WBP1L: variants seen among roughly 807,000 people sequenced by gnomAD.
WBP1L encodes the protein WW domain binding protein 1 like.
A neutral mutation model predicts 33.7 loss-of-function variants in WBP1L; 17 were observed. The ratio of observed to expected loss-of-function variants is 0.50; its 90% CI spans 0.34 to 0.76. The LOEUF is 0.76. Ranked by LOEUF, WBP1L falls within the 30% of genes least tolerant of loss-of-function variation. WBP1L has a pLI of 0.01. For missense variants in WBP1L, 389 were observed against 469.4 expected (o/e 0.83, Z 1.58); for synonymous variants, 173 against 190.8 (o/e 0.91, Z 0.77).
intron 1 of WBP1L, among the ~76,000 whole-genome samples, chr10:102,764,285 A>C (rs1256951091): frequency 6.6e-6 from 1 of 152,168 alleles, no homozygotes; most frequent in Non-Finnish European, 1.5e-5. Flanking sequence ...TCAAATAAGA[A>C]CAACAACATT....
At chr10:102,782,854 G>A (rs1440789337) in intron 1 of WBP1L, among the ~76,000 whole-genome samples, 2 of 152,128 alleles carry the variant, frequency 1.3e-5, no homozygotes, top group Non-Finnish European at 2.9e-5. Context: ...GGGTTTGCCG[G>A]GACTGTGTTG....
At chr10:102,802,349 C>A (rs764228051) in intron 2 of WBP1L, among the ~76,000 whole-genome samples, 21 of 150,764 alleles carry the variant, frequency 1.4e-4, no homozygotes, top group Non-Finnish European at 3.0e-4. Flanking sequence ...CGCCATGTTG[C>A]CCAAGCTTCG....
At chr10:102,766,140 G>A (rs1399684368) in intron 1 of WBP1L, among the ~76,000 whole-genome samples, 8 of 151,644 alleles carry the variant, frequency 5.3e-5, no homozygotes, top group Non-Finnish European at 1.2e-4. Context: ...CCTCTATAAA[G>A]ATTAAAAAAA....
chr10:102,809,977 C>T lies in WBP1L; in HGVS notation c.278C>T (p.Ala93Val). 1 of 1,614,074 alleles carries T rather than the reference C, an allele frequency of 6.2e-7. No homozygotes were observed. Among genetic ancestry groups the T allele is most frequent in the Non-Finnish European group, 8.5e-7 (1 of 1,180,032 alleles). The change falls in exon 3 of 4, where the codon GCC becomes GTC. Residue 93 changes from alanine (A) to valine (V), a missense_variant. Transcript: ENST00000448841. Reference protein sequence around the residue: ...HHRRAKHRLQAQQRQHEINLI... With the variant: ...HHRRAKHRLQVQQRQHEINLI... ...CGCCGAGCCAAGCACCGCCTTCAGG[C>T]CCAGCAGCGGCAACATGAAATCAAC...
intron 1 of WBP1L, among the ~76,000 whole-genome samples, chr10:102,778,791 GCA>G (rs149989151): frequency 4.6e-5 from 7 of 151,944 alleles, no homozygotes; most frequent in Admixed American, 6.6e-5. Context: ...GACACATAAT[GCA>G]CACACACACA....
chr10:102,785,348 C>T (rs532356043), intron 1 of WBP1L, among the ~76,000 whole-genome samples: 172 of 152,016 alleles, frequency 1.1e-3, no homozygotes, highest in African/African-American at 4.0e-3. Flanking sequence ...CCACCACGCC[C>T]AGCTAATTTT....
chr10:102,788,909 C>A (rs911119874), intron 1 of WBP1L, among the ~76,000 whole-genome samples: 2 of 152,152 alleles, frequency 1.3e-5, no homozygotes, highest in African/African-American at 4.8e-5. Flanking sequence ...TAGCCAAAGC[C>A]AACAATGAAT....
At chr10:102,782,253 G>GT (rs1843348879) in intron 1 of WBP1L, among the ~76,000 whole-genome samples, 1 of 81,560 alleles carries the variant, frequency 1.2e-5, no homozygotes, top group Non-Finnish European at 2.5e-5. Flanking sequence ...AACGTGGCTT[G>GT]TTTTTCATTG....
intron 1 of WBP1L, among the ~76,000 whole-genome samples, chr10:102,775,063 C>T (rs868086162): frequency 1.5e-5 from 2 of 131,642 alleles, no homozygotes; most frequent in Admixed American, 1.8e-4. Context: ...TGCAGTGAGC[C>T]AAGATCATCA....
At chr10:102,779,250 G>A (rs1843304783) in intron 1 of WBP1L, among the ~76,000 whole-genome samples, 1 of 150,940 alleles carries the variant, frequency 6.6e-6, no homozygotes, top group African/African-American at 2.4e-5. Flanking sequence ...GAGCCGAGAG[G>A]CCCCACCATT....
chr10:102,799,732 C>G (rs562634244), intron 2 of WBP1L, among the ~76,000 whole-genome samples: 15 of 152,268 alleles, frequency 9.9e-5, no homozygotes, highest in African/African-American at 3.6e-4. Context: ...ACCATCCTAT[C>G]TGCGCCTTTC....
At chr10:102,777,945 G>T (rs1194224797) in intron 1 of WBP1L, among the ~76,000 whole-genome samples, 1 of 152,194 alleles carries the variant, frequency 6.6e-6, no homozygotes, top group Admixed American at 6.5e-5. Flanking sequence ...GATGAAGCTG[G>T]ATGAAGCGTC....
At chr10:102,784,176 C>G (rs150356848) in intron 1 of WBP1L, among the ~76,000 whole-genome samples, 5,489 of 152,068 alleles carry the variant, frequency 0.036, 166 homozygotes, top group Non-Finnish European at 0.051. Flanking sequence ...ATTACTACCC[C>G]CCAGGAGGAG....
At chr10:102,786,019 A>G (rs1433095922) in intron 1 of WBP1L, among the ~76,000 whole-genome samples, 4 of 152,210 alleles carry the variant, frequency 2.6e-5, no homozygotes. Context: ...TTTTCCTACC[A>G]GGGTCAAGTA....
chr10:102,811,383 G>A (rs1053959715), intron 3 of WBP1L, among the ~76,000 whole-genome samples: 5 of 152,156 alleles, frequency 3.3e-5, no homozygotes, highest in African/African-American at 9.7e-5. Flanking sequence ...AGCACTTCCC[G>A]GACTTCCCTG....
intron 1 of WBP1L, among the ~76,000 whole-genome samples, chr10:102,778,436 A>AT (rs1843294816): frequency 6.6e-6 from 1 of 152,224 alleles, no homozygotes; most frequent in Non-Finnish European, 1.5e-5. Context: ...TTACTTGGAC[A>AT]TGTAGTGAGA....
intron 2 of WBP1L, among the ~76,000 whole-genome samples, chr10:102,806,967 A>G (rs958950600): frequency 2.6e-5 from 4 of 152,184 alleles, no homozygotes; most frequent in Non-Finnish European, 4.4e-5. Flanking sequence ...CATTTTTACA[A>G]GTCTGTTTTG....
Position 102,746,160 on chromosome 10 carries a change from G to A in WBP1L, c.90+2017G>A, listed in dbSNP as rs769970578. ...GGAAAGTGGAGGTTCCTACCAGGTC[G>A]TGGAGCCTGGGAGGTGTTGTGAACA... On this transcript the variant is annotated intron_variant, in intron 1 of 3. Coordinates refer to ENST00000448841, the MANE Select transcript of WBP1L (RefSeq NM_001083913.2). The A allele has an allele frequency of 5.4e-5, 53 of 985,362 alleles. No individual in the cohort carries two copies. In the Admixed American group the frequency reaches 6.8e-4, roughly 13 times the overall value. The allele number at this position is 985,362 out of a possible 1,614,324, so 61.0% of individuals were successfully genotyped here.
chr10:102,744,677 C>G (rs1842843694), intron 1 of WBP1L, among the ~76,000 whole-genome samples: 2 of 152,068 alleles, frequency 1.3e-5, no homozygotes, highest in South Asian at 4.1e-4. Flanking sequence ...AGCCATGGCG[C>G]ACTTGGTTGG....
Sources: gnomAD v4.1 joint callset for allele counts (sites outside exome capture counted in the v4.1 genomes callset) on GRCh38, gnomAD v4.1.1 for gene constraint, MANE v1.5 for transcripts, NCBI Gene and HGNC (gene_info 2026-07-23, HGNC 2026-07-21) for gene names.